The following BIRC6 variants were observed in gnomAD, a reference collection of about 807,000 sequenced individuals.
BIRC6 encodes the protein baculoviral IAP repeat containing 6.
BIRC6 carries 98 observed loss-of-function variants against 503.3 expected under a neutral mutation model. The observed-to-expected ratio is 0.19, with a 90% confidence interval of 0.17 to 0.23. The LOEUF (loss-of-function observed/expected upper bound fraction) is 0.23. Among genes scored for constraint, BIRC6 ranks in the 10% least tolerant of loss-of-function variants. BIRC6 has a pLI of 1.00. For missense variants in BIRC6, 5,360 were observed against 5,806.0 expected (o/e 0.92, Z 2.50); for synonymous variants, 2,240 against 2,078.7 (o/e 1.08, Z -2.11).
chr2:32,530,132 T>C (rs748918758), intron 60 of BIRC6, among the ~76,000 whole-genome samples: 4 of 152,242 alleles, frequency 2.6e-5, no homozygotes, highest in Non-Finnish European at 4.4e-5. Context: ...TGTTATAATT[T>C]ATATTGAGTG....
intron 1 of BIRC6, among the ~76,000 whole-genome samples, chr2:32,363,346 A>T (rs1023744589): frequency 7.9e-5 from 12 of 151,130 alleles, no homozygotes; most frequent in African/African-American, 2.7e-4. Context: ...AAACAAGAAA[A>T]CCTTGCTTTT....
intron 10 of BIRC6, among the ~76,000 whole-genome samples, chr2:32,426,205 A>G (rs1212405403): frequency 6.6e-6 from 1 of 152,204 alleles, no homozygotes; most frequent in African/African-American, 2.4e-5. Flanking sequence ...TGGTTTAATT[A>G]ATAATACAAT....
intron 71 of BIRC6, among the ~76,000 whole-genome samples, chr2:32,605,711 A>C (rs2062402962): frequency 6.6e-6 from 1 of 152,116 alleles, no homozygotes; most frequent in African/African-American, 2.4e-5. Flanking sequence ...TACAAAAATT[A>C]GCGGGATGGG....
chr2:32,510,674 A>C (rs372548407), intron 53 of BIRC6, 40 bp downstream of exon 53: 1 of 1,270,106 alleles, frequency 7.9e-7, no homozygotes, highest in Admixed American at 1.7e-5. Context: ...ACACACATGC[A>C]CATAATCATG....
At chr2:32,365,324 TTAC>T (rs2034733063) in intron 1 of BIRC6, among the ~76,000 whole-genome samples, 1 of 90,020 alleles carries the variant, frequency 1.1e-5, no homozygotes, top group Non-Finnish European at 2.0e-5. Context: ...TCAATAAATG[TTAC>T]TTTTTTTTTT....
At chr2:32,369,939 A>T (rs2035558597) in intron 1 of BIRC6, among the ~76,000 whole-genome samples, 1 of 53,260 alleles carries the variant, frequency 1.9e-5, no homozygotes, top group Non-Finnish European at 3.2e-5. Context: ...AAAAAAAAAA[A>T]AAAAAAATAT....
At chr2:32,486,767 G>A (rs2051036260) in intron 40 of BIRC6, among the ~76,000 whole-genome samples, 1 of 151,972 alleles carries the variant, frequency 6.6e-6, no homozygotes, top group Non-Finnish European at 1.5e-5. Context: ...GCTTTAGAGG[G>A]TATCAAAAGA....
intron 57 of BIRC6, among the ~76,000 whole-genome samples, chr2:32,524,165 C>T (rs1188520268): frequency 6.6e-6 from 1 of 151,988 alleles, no homozygotes; most frequent in African/African-American, 2.4e-5. Flanking sequence ...ATATGATCAC[C>T]CATTTATTTT....
intron 73 of BIRC6, among the ~76,000 whole-genome samples, chr2:32,612,416 T>A (rs1572407498): frequency 6.6e-6 from 1 of 152,244 alleles, no homozygotes; most frequent in East Asian, 1.9e-4. Flanking sequence ...CTTCCTTTTT[T>A]CCTGCATCTG....
At chr2:32,427,461 T>A (rs966173385) in intron 10 of BIRC6, among the ~76,000 whole-genome samples, 3 of 152,056 alleles carry the variant, frequency 2.0e-5, no homozygotes, top group African/African-American at 7.2e-5. Flanking sequence ...AATTTTTGTA[T>A]TTTTAGTAGA....
chr2:32,469,677 TA>T, intron 30 of BIRC6, 63 bp downstream of exon 30: 1 of 1,395,764 alleles, frequency 7.2e-7, no homozygotes, highest in East Asian at 2.3e-5. Flanking sequence ...AGTTACTGGT[TA>T]GCTTTTGAAA....
At chr2:32,493,189 G>A (rs185476709) in intron 44 of BIRC6, among the ~76,000 whole-genome samples, 2 of 151,938 alleles carry the variant, frequency 1.3e-5, no homozygotes, top group Admixed American at 1.3e-4. Flanking sequence ...AATTAAGAAG[G>A]TTATTTGTGA....
chr2:32,436,187 G>A lies in BIRC6; in HGVS notation c.3631+3G>A. ...AACAAGCCCCAAACTTGTTAAAGGT[G>A]AAGTAATACATTTTACAAAAGCAGA... On this transcript the variant is annotated splice_donor_region_variant and intron_variant, in intron 15 of 73. Coordinates refer to ENST00000421745, the MANE Select transcript of BIRC6 (RefSeq NM_016252.4). The A allele has an allele frequency of 7.1e-7, 1 of 1,417,416 alleles. No individual in the cohort carries two copies. The highest frequency in any genetic ancestry group is 9.4e-7 in the Non-Finnish European group (1 of 1,067,520). The allele number at this position is 1,417,416 out of a possible 1,614,324, so 87.8% of individuals were successfully genotyped here. A position where few individuals can be genotyped will look rare whatever the true frequency, so the allele number is the denominator to read the frequency against.
At chr2:32,617,521 A>G (rs969574914) in intron 73 of BIRC6, among the ~76,000 whole-genome samples, 6 of 152,242 alleles carry the variant, frequency 3.9e-5, no homozygotes, top group African/African-American at 9.6e-5. Context: ...TTTCAGCAAC[A>G]TCGGTTACTT....
At chr2:32,391,378 T>C (rs1005618954) in intron 4 of BIRC6, among the ~76,000 whole-genome samples, 1 of 152,192 alleles carries the variant, frequency 6.6e-6, no homozygotes, top group African/African-American at 2.4e-5. Context: ...GCTGTTTTAT[T>C]GGGTAATATA....
chr2:32,595,733 T>C (rs920276654), intron 68 of BIRC6, among the ~76,000 whole-genome samples: 2 of 152,250 alleles, frequency 1.3e-5, no homozygotes, highest in African/African-American at 4.8e-5. Context: ...TCTTGGACTG[T>C]ATTTTTTTAA....
intron 1 of BIRC6, among the ~76,000 whole-genome samples, chr2:32,358,259 T>C (rs1490338120): frequency 1.3e-5 from 2 of 152,206 alleles, no homozygotes; most frequent in African/African-American, 4.8e-5. Context: ...TCAGGCTGTC[T>C]CTACTTGTTT....
intron 9 of BIRC6, among the ~76,000 whole-genome samples, chr2:32,412,506 CAAAAA>C (rs961169963): frequency 1.5e-4 from 22 of 143,862 alleles, no homozygotes; most frequent in African/African-American, 5.1e-4. Flanking sequence ...TCAAAAAAAA[CAAAAA>C]AAAAGAAAAG....
chr2:32,479,931 A>G (rs2050186040), intron 37 of BIRC6, among the ~76,000 whole-genome samples: 1 of 152,132 alleles, frequency 6.6e-6, no homozygotes, highest in South Asian at 2.1e-4. Flanking sequence ...ATTCTTTAAG[A>G]TCCAGCATGT....
Sources: allele counts gnomAD v4.1 joint callset (sites outside exome capture counted in the v4.1 genomes callset), GRCh38; gene constraint gnomAD v4.1.1; transcripts MANE v1.5; gene names NCBI Gene and HGNC (gene_info 2026-07-23, HGNC 2026-07-21).